ABCA13: variants seen among roughly 807,000 people sequenced by gnomAD.
ABCA13 encodes the protein ATP-binding cassette sub-family A member 13.
Under a neutral mutation model 478.7 loss-of-function variants are expected in ABCA13, and 476 were observed. The observed-to-expected ratio is 0.99, with a 90% CI of 0.92 to 1.07. ABCA13 has a LOEUF of 1.07. Ranked by LOEUF, ABCA13 falls within the 50% of genes least tolerant of loss-of-function variation. ABCA13 has a pLI of 0.00. For missense variants in ABCA13, 6,060 were observed against 5,910.6 expected, an observed-to-expected ratio of 1.03 and a Z score of -0.83; for synonymous variants, 2,252 against 2,158.9, an observed-to-expected ratio of 1.04 and a Z score of -1.20.
Position 48,437,343 on chromosome 7 carries a change from G to GAA in ABCA13, c.12565+9472_12565+9473insAA, listed in dbSNP as rs755868895. ...CTGATATTAGAATAGCCACCCTTCT[G>GAA]CCTTTTGGTTACTATTTGCATGAAA... On this transcript the variant is annotated intron_variant, in intron 42 of 61. Transcript: ENST00000435803. 1.3e-3 allele frequency among the ~76,000 whole-genome samples: 205 copies of GAA among 151,938 alleles called. 3 individuals carry two copies. The highest frequency in any genetic ancestry group is 4.2e-4 in the South Asian group (2 of 4,812).
At chr7:48,288,208 C>T (rs1269893807) in intron 20 of ABCA13, 130 bp downstream of exon 20, 8 of 841,670 alleles carry the variant, frequency 9.5e-6, no homozygotes, top group African/African-American at 3.4e-5. Flanking sequence ...AGTCTTGTTG[C>T]AAGCTGGGCT....
intron 47 of ABCA13, among the ~76,000 whole-genome samples, 168 bp from the exon 48 acceptor site, chr7:48,489,068 C>T (rs1479784614): frequency 6.6e-6 from 1 of 152,160 alleles, no homozygotes; most frequent in African/African-American, 2.4e-5. Flanking sequence ...AATTAGCAGA[C>T]TAGAATTGAC....
rs761525859 is a variant in ABCA13, at chr7:48,275,443, C to T, written c.5777C>T (p.Pro1926Leu). 30 of 1,613,744 alleles carry T rather than the reference C, an allele frequency of 1.9e-5. No homozygotes were observed. The highest frequency in any genetic ancestry group is 1.6e-4 in the East Asian group (7 of 44,880). ...TVQKFWHKIL[P>L]FVPPSINQTR... ...CAGAAATTTTGGCATAAGATATTAC[C>T]GTTTGTCCCACCTTCAATAAATCAA... is the stretch of plus-strand genomic sequence containing the variant. Residue 1926 changes from proline to leucine, a missense_variant, in exon 17 of 62, where the codon CCG becomes CTG. Coordinates refer to ENST00000435803, the MANE Select transcript of ABCA13 (RefSeq NM_152701.5).
At chr7:48,608,743 T>A (rs1178624984) in intron 58 of ABCA13, among the ~76,000 whole-genome samples, 3 of 152,238 alleles carry the variant, frequency 2.0e-5, no homozygotes, top group Admixed American at 6.5e-5. Flanking sequence ...ATGGCTGGAA[T>A]GCCACTGATT....
intron 29 of ABCA13, among the ~76,000 whole-genome samples, chr7:48,348,719 G>T (rs981248225): frequency 1.3e-5 from 2 of 152,168 alleles, no homozygotes; most frequent in Admixed American, 6.5e-5. Context: ...ACAGTACCAA[G>T]ATTTTCATTC....
At chr7:48,379,764 C>T (rs531842761) in intron 35 of ABCA13, among the ~76,000 whole-genome samples, 81 of 151,966 alleles carry the variant, frequency 5.3e-4, no homozygotes, top group African/African-American at 1.8e-3. Context: ...GTAGGAAAAA[C>T]GTGGGAAGAA....
chr7:48,410,974 TTTC>T (rs1482181440), intron 40 of ABCA13, among the ~76,000 whole-genome samples: 1 of 149,940 alleles, frequency 6.7e-6, no homozygotes, highest in East Asian at 2.0e-4. Flanking sequence ...TAGAAATTCT[TTTC>T]TCTTTCTTTC....
chr7:48,546,712 C>A (rs1240525266), intron 55 of ABCA13, among the ~76,000 whole-genome samples: 3 of 151,496 alleles, frequency 2.0e-5, no homozygotes, highest in African/African-American at 7.3e-5. Context: ...TGAACAATAA[C>A]TATGAAGTGC....
Position 48,304,141 on chromosome 7 carries a change from T to C in ABCA13, c.9321+5654T>C, listed in dbSNP as rs542332735. On this transcript the variant is annotated intron_variant, in intron 23 of 61. Transcript: ENST00000435803. Reference sequence around the variant, plus strand: ...AATTCTTCAAGAATTGACATTATTATCTATTAGTAATTTCTAAAGTCTACT... The same window carrying C: ...AATTCTTCAAGAATTGACATTATTACCTATTAGTAATTTCTAAAGTCTACT... Among the ~76,000 whole-genome samples, 36 of 152,366 alleles carry C rather than the reference T, an allele frequency of 2.4e-4. 1 individual carries two copies. Among genetic ancestry groups the C allele is most frequent in the African/African-American group, 8.7e-4 (36 of 41,576 alleles).
At chr7:48,266,543 G>A (rs1794894611) in intron 15 of ABCA13, among the ~76,000 whole-genome samples, 1 of 151,636 alleles carries the variant, frequency 6.6e-6, no homozygotes, top group Admixed American at 6.6e-5. Context: ...AGAATCAGTG[G>A]TAATAGCACC....
At position 48,573,452 on chromosome 7, in the gene ABCA13, C is replaced by A. The variant is rs1787875248; in HGVS notation, c.14355-6772C>A. ...GGCTCATGCTTGTAATCCCAGTGCT[C>A]TGGGAGGTTAAGATGGGAGGATCAT... On this transcript the variant is annotated intron_variant, in intron 55 of 61. Transcript: ENST00000435803. 2.6e-5 allele frequency among the ~76,000 whole-genome samples: 4 copies of A among 151,908 alleles called. No individual in the cohort carries two copies. The South Asian group carries it at 8.3e-4, about 32-fold the overall frequency.
At chr7:48,553,863 G>T (rs1189466364) in intron 55 of ABCA13, among the ~76,000 whole-genome samples, 1 of 151,878 alleles carries the variant, frequency 6.6e-6, no homozygotes, top group Non-Finnish European at 1.5e-5. Context: ...TGTTCGTGGG[G>T]TATTACTCAA....
chr7:48,550,700 CCTAT>C (rs1214084979), intron 55 of ABCA13, among the ~76,000 whole-genome samples: 1 of 151,282 alleles, frequency 6.6e-6, no homozygotes, highest in Non-Finnish European at 1.5e-5. Context: ...TACCTACATA[CCTAT>C]CTATCTCATC....
chr7:48,541,655 A>AACCC (rs145055565), intron 55 of ABCA13, among the ~76,000 whole-genome samples: 20,900 of 151,638 alleles, frequency 0.14, 1,799 homozygotes, highest in African/African-American at 0.23. Context: ...TATTAGAGAA[A>AACCC]ACAAAGTAGT....
intron 39 of ABCA13, among the ~76,000 whole-genome samples, chr7:48,408,783 G>A (rs1190078561): frequency 6.6e-6 from 1 of 152,024 alleles, no homozygotes; most frequent in South Asian, 2.1e-4. Context: ...ACAGATTATT[G>A]CATTGCTCCG....
At chr7:48,530,715 G>C (rs1384724893) in intron 55 of ABCA13, among the ~76,000 whole-genome samples, 2 of 152,026 alleles carry the variant, frequency 1.3e-5, no homozygotes, top group Non-Finnish European at 2.9e-5. Context: ...ATTGTGTTTT[G>C]ATTTGCATTT....
intron 8 of ABCA13, among the ~76,000 whole-genome samples, chr7:48,238,948 A>G (rs557749827): frequency 6.6e-6 from 1 of 152,360 alleles, no homozygotes; most frequent in South Asian, 2.1e-4. Flanking sequence ...GGGCTGACCC[A>G]TGTTCACTTT....
intron 3 of ABCA13, among the ~76,000 whole-genome samples, chr7:48,211,877 C>T (rs565962456): frequency 5.9e-5 from 9 of 151,784 alleles, no homozygotes; most frequent in Non-Finnish European, 1.0e-4. Flanking sequence ...TTCTCCCTTC[C>T]TCAAGCAGAA....
At chr7:48,197,055 T>G (rs1375169062) in intron 2 of ABCA13, among the ~76,000 whole-genome samples, 1 of 152,232 alleles carries the variant, frequency 6.6e-6, no homozygotes, top group East Asian at 1.9e-4. Flanking sequence ...CTTGAGAGAT[T>G]AAAGCTTGAG....
Sources: gnomAD v4.1 joint callset for allele counts (sites outside exome capture counted in the v4.1 genomes callset) on GRCh38, gnomAD v4.1.1 for gene constraint, MANE v1.5 for transcripts, NCBI Gene and HGNC (gene_info 2026-07-23, HGNC 2026-07-21) for gene names.